Variants in FRYL observed in about 807,000 individuals in gnomAD.
FRYL encodes protein furry homolog-like.
FRYL carries 150 observed loss-of-function variants against 351.2 expected under a neutral mutation model. The ratio of observed to expected loss-of-function variants is 0.43; its 90% CI spans 0.37 to 0.49. FRYL has a LOEUF of 0.49. FRYL is among the 20% of genes least tolerant of loss of function. The pLI, the probability that FRYL is intolerant of heterozygous loss-of-function variation, is 0.00. For missense variants in FRYL, 3,036 were observed against 3,619.3 expected (o/e 0.84, Z 4.13); for synonymous variants, 1,153 against 1,257.1 (o/e 0.92, Z 1.75).
chr4:48,570,286 C>T (rs1213160774), intron 27 of FRYL, among the ~76,000 whole-genome samples: 1 of 152,126 alleles, frequency 6.6e-6, no homozygotes, highest in African/African-American at 2.4e-5. Context: ...GTGAAGATGC[C>T]TTTACTGCGG....
intron 35 of FRYL, among the ~76,000 whole-genome samples, chr4:48,554,751 A>G (rs1733707898): frequency 6.6e-6 from 1 of 152,178 alleles, no homozygotes; most frequent in African/African-American, 2.4e-5. Flanking sequence ...TCCTCTGAGC[A>G]TGCTGTGTGC....
At chr4:48,562,827 T>A (rs1735828671) in intron 32 of FRYL, 62 bp downstream of exon 32, 1 of 945,552 alleles carries the variant, frequency 1.1e-6, no homozygotes, top group Non-Finnish European at 1.7e-6. Flanking sequence ...ATAGCAAGAC[T>A]AAATTATTGG....
rs1560492792 is a variant in FRYL, at chr4:48,500,165, T to G, written c.8648A>C (p.Glu2883Ala). 6.2e-7 allele frequency: 1 copy of G among 1,605,566 alleles called. No individual in the cohort carries two copies. The highest frequency in any genetic ancestry group is 1.1e-5 in the South Asian group (1 of 88,446). ...AATTTCTTCGTTTTCGGAAGCGGAC[T>G]CAGCTTCTTTGAGGATACTTTCCAG... ...AQLESILKEA[E>A]SASENEEIDI... Residue 2883 changes from glutamate (E) to alanine (A), a missense_variant, in exon 63 of 64, where the codon GAG (glutamate) becomes GCG (alanine). Coordinates refer to ENST00000358350, the MANE Select transcript of FRYL (RefSeq NM_015030.2).
At chr4:48,716,148 G>A (rs1440270536) in intron 1 of FRYL, among the ~76,000 whole-genome samples, 3 of 151,982 alleles carry the variant, frequency 2.0e-5, no homozygotes, top group Non-Finnish European at 2.9e-5. Flanking sequence ...AGACTTAAAC[G>A]TTAGACCTAA....
Position 48,539,985 on chromosome 4 carries a change from T to C in FRYL, c.6379A>G (p.Ser2127Gly). The C allele has an allele frequency of 1.2e-6, 2 of 1,610,968 alleles. No individual in the cohort carries two copies. Among genetic ancestry groups the C allele is most frequent in the Non-Finnish European group, 1.7e-6 (2 of 1,177,514 alleles). ...CATTTGCTTACCTTTGCTATTCGACTAGCTGTTTCTTTGCAAAACTGAGTT... is the reference window on the plus strand; with the variant it reads ...CATTTGCTTACCTTTGCTATTCGACCAGCTGTTTCTTTGCAAAACTGAGTT... ...SPTQFCKETASRIAKVCAEEK... is the reference protein window; with the variant it reads ...SPTQFCKETAGRIAKVCAEEK... The change falls in exon 47 of 64, where the codon AGT becomes GGT. Residue 2127 changes from serine to glycine, a missense_variant. Around this residue, in one of 7 missense-constraint regions of FRYL, gnomAD observed 1,987 missense variants for 2,311.7 expected, o/e 0.86. Coordinates refer to ENST00000358350, the MANE Select transcript of FRYL (RefSeq NM_015030.2).
At chr4:48,655,239 C>A (rs1758584391) in intron 3 of FRYL, among the ~76,000 whole-genome samples, 1 of 152,148 alleles carries the variant, frequency 6.6e-6, no homozygotes, top group African/African-American at 2.4e-5. Flanking sequence ...GCCATCCCTA[C>A]TCCTAAACTG....
At chr4:48,533,639 G>A (rs1728192859) in intron 49 of FRYL, among the ~76,000 whole-genome samples, 1 of 152,136 alleles carries the variant, frequency 6.6e-6, no homozygotes, top group Non-Finnish European at 1.5e-5. Context: ...TCTCTTTGGT[G>A]AGTTGTATCC....
chr4:48,602,190 A>G (rs1213786414), intron 12 of FRYL, 69 bp from the exon 13 acceptor site: 1 of 771,362 alleles, frequency 1.3e-6, no homozygotes, highest in Non-Finnish European at 2.2e-6. Context: ...TAAATTTTAT[A>G]TTTCATTTAT....
chr4:48,651,289 CTGTGTGTGTGTGTGTGTG>C (rs59845967), intron 3 of FRYL, among the ~76,000 whole-genome samples: 14 of 62,406 alleles, frequency 2.2e-4, no homozygotes, highest in African/African-American at 3.9e-4. Flanking sequence ...CAGGATCTCA[CTGTGTGTGTGTGTGTGTG>C]TGTGTGTGTG....
Position 48,544,811 on chromosome 4 carries a change from C to T in FRYL, c.5373G>A (p.Val1791=). The change falls in exon 43 of 64, where the codon GTG becomes GTA. Residue 1791 remains valine (V), a synonymous_variant. Transcript: ENST00000358350. The part of the protein sequence containing the change: ...AEQLTTFLKH[V]VSVFKQSSSE... The stretch of plus-strand genomic sequence containing the variant: ...AGCTTGACTGCTTAAAAACAGAAAC[C>T]ACATGTTTCAAAAATGTAGTTAACT... The T allele has an allele frequency of 6.2e-7, 1 of 1,600,634 alleles. No homozygotes were observed. Among genetic ancestry groups the T allele is most frequent in the African/African-American group, 1.3e-5 (1 of 74,214 alleles).
At chr4:48,749,691 T>C (rs1487607607) in intron 1 of FRYL, among the ~76,000 whole-genome samples, 1 of 152,168 alleles carries the variant, frequency 6.6e-6, no homozygotes, top group Non-Finnish European at 1.5e-5. Flanking sequence ...GCTGTTCTCT[T>C]TGTGGACTGC....
intron 3 of FRYL, among the ~76,000 whole-genome samples, chr4:48,682,342 C>T (rs1412317422): frequency 6.6e-6 from 1 of 152,084 alleles, no homozygotes; most frequent in Non-Finnish European, 1.5e-5. Context: ...CAGGCAATAC[C>T]ATTCAGGACA....
At chr4:48,725,521 T>C (rs1285131904) in intron 1 of FRYL, among the ~76,000 whole-genome samples, 1 of 152,192 alleles carries the variant, frequency 6.6e-6, no homozygotes, top group Non-Finnish European at 1.5e-5. Context: ...AAATAAACAA[T>C]TCATAAGTTT....
chr4:48,717,602 G>A (rs148662300), intron 1 of FRYL, among the ~76,000 whole-genome samples: 3 of 151,586 alleles, frequency 2.0e-5, no homozygotes, highest in Admixed American at 6.6e-5. Flanking sequence ...GTGCAATGAC[G>A]CAATTATAGC....
At chr4:48,653,966 C>A (rs1758259747) in intron 3 of FRYL, 2 of 1,168,434 alleles carry the variant, frequency 1.7e-6, no homozygotes, top group Non-Finnish European at 2.2e-6. Flanking sequence ...CAGTGACGCA[C>A]AACTATAGTG....
intron 32 of FRYL, 135 bp from the exon 33 acceptor site, chr4:48,561,771 T>C: frequency 1.6e-6 from 1 of 606,328 alleles, no homozygotes; most frequent in Non-Finnish European, 2.7e-6. Flanking sequence ...TCTCAATACT[T>C]TGGAAGGCAG....
chr4:48,506,753 TCTA>T (rs1384440967), intron 59 of FRYL: 1 of 150,946 alleles, frequency 6.6e-6, no homozygotes, highest in Non-Finnish European at 1.5e-5. Flanking sequence ...TTTAACATTC[TCTA>T]TTGTAGCTTA....
intron 2 of FRYL, among the ~76,000 whole-genome samples, chr4:48,694,271 T>A (rs1369635090): frequency 6.6e-6 from 1 of 151,988 alleles, no homozygotes; most frequent in East Asian, 1.9e-4. Flanking sequence ...AATAAAAAAA[T>A]ACATTTAAAA....
chr4:48,500,294 A>C, intron 62 of FRYL, 74 bp from the exon 63 acceptor site: 1 of 849,860 alleles, frequency 1.2e-6, no homozygotes, highest in South Asian at 2.1e-5. Flanking sequence ...ACAAGAATAT[A>C]CCTGATGGCA....
Sources: gnomAD v4.1 joint callset for allele counts (sites outside exome capture counted in the v4.1 genomes callset) on GRCh38, gnomAD v4.1.1 for gene constraint, gnomAD v4.1.1 regional missense constraint, MANE v1.5 for transcripts, NCBI Gene and HGNC (gene_info 2026-07-23, HGNC 2026-07-21) for gene names.